The following VWC2 variants were observed in gnomAD, a reference collection of about 807,000 sequenced individuals.
VWC2 encodes von Willebrand factor C domain containing 2, also known as brorin.
VWC2 carries 14 observed loss-of-function variants against 29.8 expected under a neutral mutation model. The ratio of observed to expected loss-of-function variants is 0.47; its 90% CI spans 0.31 to 0.74. The LOEUF is 0.74. Among genes scored for constraint, VWC2 ranks in the 30% least tolerant of loss-of-function variants. The pLI is 0.05. For synonymous variants in VWC2, 213 were observed against 199.0 expected (o/e 1.07, Z -0.59); for missense variants, 457 against 459.8 (o/e 0.99, Z 0.05).
intron 3 of VWC2, among the ~76,000 whole-genome samples, chr7:49,895,659 T>A (rs541450691): frequency 4.0e-4 from 61 of 152,310 alleles, no homozygotes; most frequent in South Asian, 2.7e-3. Context: ...CAGTAATTAA[T>A]TATCAGCCAT....
In VWC2 at chr7:49,915,713, T is replaced by C. The variant is rs1000755740; in HGVS notation, c.*3528T>C. The C allele has an allele frequency of 6.6e-6, 1 of 152,050 alleles. No individual in the cohort carries two copies. The highest frequency in any genetic ancestry group is 6.6e-5 in the Admixed American group (1 of 15,236). The allele number at this position is 152,050 out of a possible 1,614,324, so 9.4% of individuals were successfully genotyped here. A position where few individuals can be genotyped will look rare whatever the true frequency, so the allele number is the denominator to read the frequency against. ...AAAATTATAGACATAAACTATGATT[T>C]TAAAAATATTAACAATTTGCTAAAT... On this transcript the variant is annotated 3_prime_UTR_variant, in exon 4 of 4. Transcript: ENST00000340652.
chr7:49,779,847 G>A (rs1357069355), intron 2 of VWC2, among the ~76,000 whole-genome samples: 1 of 152,114 alleles, frequency 6.6e-6, no homozygotes, highest in Non-Finnish European at 1.5e-5. Context: ...TCTTCTTCCT[G>A]TGTTTTCTCA....
At chr7:49,823,024 G>A (rs535099828) in intron 3 of VWC2, among the ~76,000 whole-genome samples, 12 of 152,288 alleles carry the variant, frequency 7.9e-5, no homozygotes, top group South Asian at 4.1e-4. Flanking sequence ...GTAGCTTCCC[G>A]GGAATGGAAC....
intron 3 of VWC2, among the ~76,000 whole-genome samples, chr7:49,825,789 T>C (rs934656148): frequency 6.6e-6 from 1 of 152,188 alleles, no homozygotes; most frequent in African/African-American, 2.4e-5. Context: ...TTAATGCACT[T>C]TTGTCCTTTA....
chr7:49,788,422 C>G (rs499902), intron 2 of VWC2, among the ~76,000 whole-genome samples: 126,720 of 151,888 alleles, frequency 0.83, 53,146 homozygotes, highest in East Asian at 0.97. Context: ...AACGGGAGCA[C>G]TGTAGTTCTG....
chr7:49,889,338 TGAGGTC>T (rs1323956788), intron 3 of VWC2, among the ~76,000 whole-genome samples: 3 of 152,372 alleles, frequency 2.0e-5, no homozygotes, highest in African/African-American at 7.2e-5. Context: ...ACCAGTGAAT[TGAGGTC>T]TAACTATAAA....
intron 3 of VWC2, among the ~76,000 whole-genome samples, chr7:49,863,806 G>A (rs1790767971): frequency 6.6e-6 from 1 of 152,100 alleles, no homozygotes; most frequent in Non-Finnish European, 1.5e-5. Flanking sequence ...CTTGGGTTTA[G>A]TGTGCTCTCT....
intron 2 of VWC2, among the ~76,000 whole-genome samples, chr7:49,800,358 G>T (rs186857269): frequency 1.3e-5 from 2 of 152,254 alleles, no homozygotes; most frequent in East Asian, 3.9e-4. Flanking sequence ...GGCCCTCCCC[G>T]GCGATATGAC....
chr7:49,855,820 G>A (rs763645474), intron 3 of VWC2, among the ~76,000 whole-genome samples: 5 of 152,274 alleles, frequency 3.3e-5, no homozygotes, highest in South Asian at 2.1e-4. Context: ...GGTGGCTGAC[G>A]GTGCACGTTA....
chr7:49,799,146 G>A (rs1430651226), intron 2 of VWC2, among the ~76,000 whole-genome samples: 2 of 152,218 alleles, frequency 1.3e-5, no homozygotes, highest in Non-Finnish European at 2.9e-5. Flanking sequence ...AGTCTGATCA[G>A]TGATCAGGGC....
intron 3 of VWC2, among the ~76,000 whole-genome samples, chr7:49,882,969 C>T (rs1791734586): frequency 6.6e-6 from 1 of 151,946 alleles, no homozygotes; most frequent in African/African-American, 2.4e-5. Flanking sequence ...CAATCGCCTC[C>T]GTGTTGTCTC....
intron 3 of VWC2, among the ~76,000 whole-genome samples, chr7:49,882,548 CAG>C (rs766895099): frequency 3.3e-5 from 5 of 151,624 alleles, no homozygotes; most frequent in Non-Finnish European, 5.9e-5. Context: ...GAGAGAGAGA[CAG>C]AGAGAGACAC....
chr7:49,830,021 T>A (rs1789489475), intron 3 of VWC2, among the ~76,000 whole-genome samples: 1 of 152,270 alleles, frequency 6.6e-6, no homozygotes, highest in African/African-American at 2.4e-5. Flanking sequence ...GTCATGGGAC[T>A]GTGTTTACAG....
At chr7:49,835,187 C>A (rs1156444740) in intron 3 of VWC2, among the ~76,000 whole-genome samples, 2 of 152,156 alleles carry the variant, frequency 1.3e-5, no homozygotes, top group Admixed American at 6.5e-5. Context: ...GACATAGTGT[C>A]CAGCATATGG....
intron 3 of VWC2, among the ~76,000 whole-genome samples, chr7:49,902,547 C>A (rs1792818104): frequency 7.2e-6 from 1 of 138,892 alleles, no homozygotes; most frequent in Non-Finnish European, 1.6e-5. Context: ...AATTGGATAT[C>A]CGTAGCCAAA....
At chr7:49,885,476 T>A (rs2128728536) in intron 3 of VWC2, among the ~76,000 whole-genome samples, 1 of 151,740 alleles carries the variant, frequency 6.6e-6, no homozygotes, top group Admixed American at 6.6e-5. Flanking sequence ...GCAGATTAAC[T>A]TCATCAAATT....
intron 3 of VWC2, among the ~76,000 whole-genome samples, chr7:49,860,076 T>C (rs1028159147): frequency 6.6e-6 from 1 of 152,148 alleles, no homozygotes; most frequent in Non-Finnish European, 1.5e-5. Flanking sequence ...ACTTTTGTTA[T>C]TTTTTTAAGC....
At chr7:49,804,574 C>A (rs567558655) in intron 3 of VWC2, among the ~76,000 whole-genome samples, 1 of 152,254 alleles carries the variant, frequency 6.6e-6, no homozygotes, top group East Asian at 1.9e-4. Context: ...TAAGTCTTGG[C>A]ATTAGATAGC....
At chr7:49,816,040 G>A (rs979651629) in intron 3 of VWC2, among the ~76,000 whole-genome samples, 10 of 152,284 alleles carry the variant, frequency 6.6e-5, no homozygotes, top group African/African-American at 2.4e-4. Flanking sequence ...AGAAGAGAAG[G>A]AGTGTGTGGG....
Sources: allele counts gnomAD v4.1 joint callset (sites outside exome capture counted in the v4.1 genomes callset), GRCh38; gene constraint gnomAD v4.1.1; transcripts MANE v1.5; gene names NCBI Gene and HGNC (gene_info 2026-07-23, HGNC 2026-07-21).